UBAP2L: variants seen among roughly 807,000 people sequenced by gnomAD.
UBAP2L encodes ubiquitin associated protein 2 like, also known as ubiquitin-associated protein 2-like.
Under a neutral mutation model 130.6 loss-of-function variants are expected in UBAP2L, and 12 were observed. The ratio of observed to expected loss-of-function variants is 0.09; its 90% CI spans 0.06 to 0.15. The LOEUF (loss-of-function observed/expected upper bound fraction) is 0.15. Ranked by LOEUF, UBAP2L falls within the 10% of genes least tolerant of loss-of-function variation. The pLI is 1.00. For synonymous variants in UBAP2L, 503 were observed against 524.7 expected (o/e 0.96, Z 0.57); for missense variants, 965 against 1,332.5 (o/e 0.72, Z 4.29).
At chr1:154,244,912 T>C (rs1674870344) in intron 10 of UBAP2L, among the ~76,000 whole-genome samples, 1 of 152,042 alleles carries the variant, frequency 6.6e-6, no homozygotes, top group African/African-American at 2.4e-5. Context: ...GGGAGGGGCT[T>C]CTGAAAGTTC....
chr1:154,228,527 C>T, intron 3 of UBAP2L, 88 bp from the exon 4 acceptor site: 20 of 1,014,552 alleles, frequency 2.0e-5, no homozygotes, highest in Non-Finnish European at 3.0e-5. Context: ...TCAAACTCAA[C>T]TGATAGCGTT....
chr1:154,224,730 G>A (rs1369897099), intron 1 of UBAP2L, among the ~76,000 whole-genome samples: 1 of 152,152 alleles, frequency 6.6e-6, no homozygotes, highest in Non-Finnish European at 1.5e-5. Context: ...AGACTTTACT[G>A]ATTATCTTTC....
intron 8 of UBAP2L, among the ~76,000 whole-genome samples, chr1:154,241,142 G>T (rs955151150): frequency 1.3e-5 from 2 of 151,978 alleles, no homozygotes; most frequent in Non-Finnish European, 2.9e-5. Context: ...AGGCTGGAGT[G>T]CAATGCCGCG....
chr1:154,259,759 C>T (rs780685652), intron 21 of UBAP2L, 189 bp from the exon 22 acceptor site: 43 of 752,500 alleles, frequency 5.7e-5, no homozygotes, highest in Non-Finnish European at 9.6e-5. Context: ...TGACTGTGCT[C>T]ATGGCCAGGC....
intron 25 of UBAP2L, among the ~76,000 whole-genome samples, chr1:154,267,449 A>C (rs1683606936): frequency 6.6e-6 from 1 of 150,970 alleles, no homozygotes; most frequent in Admixed American, 6.6e-5. Context: ...CACTGCACCC[A>C]GCGGAGTTAC....
chr1:154,223,839 A>T (rs1571558249), intron 1 of UBAP2L, among the ~76,000 whole-genome samples: 2 of 152,328 alleles, frequency 1.3e-5, no homozygotes, highest in East Asian at 3.9e-4. Flanking sequence ...ATATTTCTTT[A>T]GAAGTCCTTC....
intron 1 of UBAP2L, among the ~76,000 whole-genome samples, chr1:154,223,047 A>G (rs1666793378): frequency 6.6e-6 from 1 of 152,196 alleles, no homozygotes; most frequent in South Asian, 2.1e-4. Context: ...CTTGCTACTA[A>G]TTCTGTGCCC....
At chr1:154,245,027 G>A (rs996040736) in intron 10 of UBAP2L, among the ~76,000 whole-genome samples, 36 of 152,052 alleles carry the variant, frequency 2.4e-4, no homozygotes, top group Admixed American at 5.2e-4. Flanking sequence ...CGCCTCCCAG[G>A]TTCAAGCGAT....
chr1:154,228,519 A>G, intron 3 of UBAP2L, 96 bp from the exon 4 acceptor site: 1 of 955,730 alleles, frequency 1.0e-6, no homozygotes, highest in Non-Finnish European at 1.6e-6. Context: ...TGTTTTTTTC[A>G]AACTCAACTG....
chr1:154,246,998 A>G (rs914198785), intron 11 of UBAP2L, among the ~76,000 whole-genome samples: 4 of 152,222 alleles, frequency 2.6e-5, no homozygotes, highest in African/African-American at 9.6e-5. Context: ...AAAACATCCA[A>G]GGTCATTAAC....
In UBAP2L at chr1:154,220,988, G is replaced by A. The variant is rs1010516994; in HGVS notation, c.-41+13G>A. ...GGAGGAGACTGAGGTAAAGTTGGGA[G>A]CGCAGCGGCGTTGGCGGCGGCGGCG... On this transcript the variant is annotated intron_variant, in intron 1 of 26. Transcript: ENST00000428931. 1 of 188,130 alleles carries A rather than the reference G, an allele frequency of 5.3e-6. No homozygotes were observed. The highest frequency in any genetic ancestry group is 1.1e-5 in the Non-Finnish European group (1 of 90,168). The allele number at this position is 188,130 out of a possible 1,614,324, so 11.7% of individuals were successfully genotyped here.
chr1:154,223,558 G>A (rs1432994375), intron 1 of UBAP2L, among the ~76,000 whole-genome samples: 2 of 151,312 alleles, frequency 1.3e-5, no homozygotes, highest in East Asian at 1.9e-4. Flanking sequence ...CGACTATAAT[G>A]CTAACCTGGG....
intron 4 of UBAP2L, among the ~76,000 whole-genome samples, chr1:154,229,347 G>T (rs1256715128): frequency 6.6e-6 from 1 of 151,990 alleles, no homozygotes; most frequent in African/African-American, 2.4e-5. Flanking sequence ...CACTTCATGA[G>T]AATTCTGTTT....
In UBAP2L at chr1:154,251,596, C is replaced by A. The variant is rs774167170; in HGVS notation, c.1607C>A (p.Pro536His). 1 of 1,614,052 alleles carries A rather than the reference C, an allele frequency of 6.2e-7. No individual in the cohort carries two copies. ...EPVLSDYEST[P>H]TTSASSSQAP... ...GTCCTTTCTGATTATGAGTCCACCC[C>A]CACCACGAGCGCCTCTTCAAGCCAG... The change falls in exon 14 of 27, where the codon CCC (proline) becomes CAC (histidine). Residue 536 changes from proline to histidine, a missense_variant. Transcript: ENST00000428931.
In UBAP2L at chr1:154,270,274, C is replaced by G. The variant is rs759936732; in HGVS notation, c.3243C>G (p.Ser1081Arg). ...KPQTNKSAYN[S>R]YSWGAN ...AGACCAACAAGTCTGCCTACAACAG[C>G]TACAGCTGGGGGGCCAACTGAGGCC... Residue 1081 changes from serine to arginine, a missense_variant, in exon 27 of 27, where the codon AGC (serine) becomes AGG (arginine). Coordinates refer to ENST00000428931, the MANE Select transcript of UBAP2L (RefSeq NM_014847.4). 2 of 1,614,028 alleles carry G rather than the reference C, an allele frequency of 1.2e-6. No homozygotes were observed. The highest frequency in any genetic ancestry group is 1.7e-6 in the Non-Finnish European group (2 of 1,179,958).
intron 1 of UBAP2L, chr1:154,221,278 T>G (rs1665937849): frequency 6.6e-6 from 1 of 152,602 alleles, no homozygotes. Context: ...GGCCTCGATT[T>G]GGGAGCGTGG....
chr1:154,220,510 C>G (rs989242164), upstream of UBAP2L: 1 of 1,306,420 alleles, frequency 7.7e-7, no homozygotes, highest in Non-Finnish European at 1.1e-6. Context: ...CTGGAGCTCC[C>G]CGGCCATTTC....
At chr1:154,252,854 C>T (rs1022869237) in intron 14 of UBAP2L, among the ~76,000 whole-genome samples, 9 of 151,964 alleles carry the variant, frequency 5.9e-5, no homozygotes, top group Admixed American at 1.3e-4. Flanking sequence ...CCACCACACC[C>T]GGCCCAAATC....
chr1:154,255,873 T>G, intron 18 of UBAP2L, 118 bp downstream of exon 18: 2 of 1,261,192 alleles, frequency 1.6e-6, no homozygotes, highest in South Asian at 1.2e-5. Context: ...AATAATTGAT[T>G]TGAGGTTGCA....
Sources: gnomAD v4.1 joint callset for allele counts (sites outside exome capture counted in the v4.1 genomes callset) on GRCh38, gnomAD v4.1.1 for gene constraint, MANE v1.5 for transcripts, NCBI Gene and HGNC (gene_info 2026-07-23, HGNC 2026-07-21) for gene names.